Variants in DCC observed in about 807,000 individuals in gnomAD.
The protein encoded by DCC is DCC netrin 1 receptor, also known as netrin receptor DCC.
A neutral mutation model predicts 172.5 loss-of-function variants in DCC; 58 were observed. The ratio of observed to expected loss-of-function variants is 0.34; its 90% confidence interval spans 0.27 to 0.42. The LOEUF (loss-of-function observed/expected upper bound fraction) is 0.42, where lower values mean the gene tolerates loss of function less well. Among genes scored for constraint, DCC ranks in the 10% least tolerant of loss-of-function variants. The pLI is 1.00. For synonymous variants in DCC, 709 were observed against 644.5 expected, an observed-to-expected ratio of 1.10 and a Z score of -1.52; for missense variants, 1,740 against 1,791.0, an observed-to-expected ratio of 0.97 and a Z score of 0.51.
intron 1 of DCC, among the ~76,000 whole-genome samples, chr18:52,463,282 CT>C (rs1349070606): frequency 6.6e-6 from 1 of 151,996 alleles, no homozygotes; most frequent in African/African-American, 2.4e-5. Context: ...CCACAGTGGC[CT>C]TTTCCTCCTG....
At chr18:53,412,367 T>TTTTG (rs1203803973) in intron 20 of DCC, among the ~76,000 whole-genome samples, 22 of 152,272 alleles carry the variant, frequency 1.4e-4, no homozygotes, top group African/African-American at 4.6e-4. Context: ...TCACTTTTAT[T>TTTTG]AATAATTTTG....
At chr18:53,030,813 C>T (rs2042016224) in intron 5 of DCC, among the ~76,000 whole-genome samples, 1 of 152,184 alleles carries the variant, frequency 6.6e-6, no homozygotes, top group African/African-American at 2.4e-5. Flanking sequence ...TGTTGAAATG[C>T]ATTCTTAGGA....
At chr18:53,225,531 G>C (rs1161672930) in intron 12 of DCC, among the ~76,000 whole-genome samples, 1 of 152,166 alleles carries the variant, frequency 6.6e-6, no homozygotes, top group Non-Finnish European at 1.5e-5. Context: ...CAAAGGCAGA[G>C]AGAACAGGTC....
At chr18:52,832,933 A>T (rs554605740) in intron 2 of DCC, among the ~76,000 whole-genome samples, 14 of 152,272 alleles carry the variant, frequency 9.2e-5, no homozygotes. Context: ...TCCAAAATTT[A>T]AAATGTACAT....
intron 1 of DCC, among the ~76,000 whole-genome samples, chr18:52,400,798 A>G (rs545808234): frequency 1.3e-5 from 2 of 152,064 alleles, no homozygotes; most frequent in Non-Finnish European, 2.9e-5. Flanking sequence ...TTGCAGGGAC[A>G]TGGATGAAGC....
chr18:53,080,912 C>T lies in DCC; in HGVS notation c.1261+14746C>T, dbSNP rs905267488. 7.2e-5 allele frequency among the ~76,000 whole-genome samples: 11 copies of T among 152,092 alleles called. No individual in the cohort carries two copies. The East Asian group carries it at 1.6e-3, about 21-fold the overall frequency. On this transcript the variant is annotated intron_variant, in intron 7 of 28. Transcript: ENST00000442544. Reference sequence around the variant, plus strand: ...TGATAGGGTATAAGTGAGTCATTCTCCTACTGATGGGATGATTCCTCCTTG... The same window carrying T: ...TGATAGGGTATAAGTGAGTCATTCTTCTACTGATGGGATGATTCCTCCTTG...
At chr18:53,235,087 A>T (rs2056181903) in intron 12 of DCC, among the ~76,000 whole-genome samples, 1 of 152,218 alleles carries the variant, frequency 6.6e-6, no homozygotes, top group African/African-American at 2.4e-5. Flanking sequence ...ACAGCATCAA[A>T]TGTCATTATT....
intron 1 of DCC, among the ~76,000 whole-genome samples, chr18:52,424,027 G>C (rs2144443812): frequency 6.6e-6 from 1 of 152,144 alleles, no homozygotes; most frequent in East Asian, 1.9e-4. Flanking sequence ...CTCAGAGGGT[G>C]GTGCAAGTTC....
At chr18:52,971,531 A>ACG (rs1688164797) in intron 5 of DCC, among the ~76,000 whole-genome samples, 1 of 151,692 alleles carries the variant, frequency 6.6e-6, no homozygotes, top group South Asian at 2.1e-4. Context: ...ACACACACGC[A>ACG]CGCACACACA....
intron 1 of DCC, among the ~76,000 whole-genome samples, chr18:52,391,596 G>T (rs1161128064): frequency 6.6e-6 from 1 of 152,102 alleles, no homozygotes; most frequent in East Asian, 1.9e-4. Flanking sequence ...GTCAGTGAAG[G>T]TTATCATCTT....
intron 8 of DCC, among the ~76,000 whole-genome samples, chr18:53,173,412 G>A (rs2055042996): frequency 1.3e-5 from 2 of 151,862 alleles, no homozygotes; most frequent in Admixed American, 1.3e-4. Context: ...AACTATTTTT[G>A]AGTGTACAGT....
chr18:52,665,325 G>A (rs571527575), intron 1 of DCC, among the ~76,000 whole-genome samples: 12 of 152,284 alleles, frequency 7.9e-5, no homozygotes, highest in Non-Finnish European at 1.5e-4. Flanking sequence ...GCTACTATAG[G>A]AAGAGCTGTG....
At chr18:52,668,336 G>A (rs570267505) in intron 1 of DCC, among the ~76,000 whole-genome samples, 3 of 152,268 alleles carry the variant, frequency 2.0e-5, no homozygotes, top group Non-Finnish European at 2.9e-5. Context: ...AAGCTAATAA[G>A]ATTTTAGATT....
intron 5 of DCC, among the ~76,000 whole-genome samples, chr18:53,041,864 C>G (rs2042173167): frequency 6.6e-6 from 1 of 152,016 alleles, no homozygotes; most frequent in Non-Finnish European, 1.5e-5. Context: ...ATTTTGTATC[C>G]TGAGACTTTC....
rs546881160 is a variant in DCC, at chr18:52,551,547, A to C, written c.92-200507A>C. Among the ~76,000 whole-genome samples, 5 of 152,162 alleles carry C rather than the reference A, an allele frequency of 3.3e-5. No individual in the cohort carries two copies. The South Asian group carries it at 1.0e-3, about 31-fold the overall frequency. ...GATTAAAAGCATTTCCATAGATAAG[A>C]CAATGATCCAGAAGTTCAAAAGAGG... On this transcript the variant is annotated intron_variant, in intron 1 of 28. Coordinates refer to ENST00000442544, the MANE Select transcript of DCC (RefSeq NM_005215.4).
chr18:53,034,132 T>G (rs556134414), intron 5 of DCC, among the ~76,000 whole-genome samples: 3 of 152,174 alleles, frequency 2.0e-5, no homozygotes, highest in Non-Finnish European at 4.4e-5. Context: ...CTTTAAATAC[T>G]GTCTCTGTGT....
At chr18:53,112,008 G>A (rs1051494348) in intron 7 of DCC, among the ~76,000 whole-genome samples, 3 of 151,468 alleles carry the variant, frequency 2.0e-5, no homozygotes, top group African/African-American at 7.3e-5. Flanking sequence ...TGATCTGAGT[G>A]GATACTGGAG....
chr18:52,406,958 A>T (rs1159929482), intron 1 of DCC, among the ~76,000 whole-genome samples: 1 of 152,004 alleles, frequency 6.6e-6, no homozygotes, highest in African/African-American at 2.4e-5. Context: ...TCAAATGAAT[A>T]TTTTTGTTGA....
chr18:53,023,668 C>T (rs2143931366), intron 5 of DCC, among the ~76,000 whole-genome samples: 1 of 152,190 alleles, frequency 6.6e-6, no homozygotes, highest in South Asian at 2.1e-4. Context: ...AAGTGATTTT[C>T]AGCAACTTGT....
Sources: allele counts gnomAD v4.1 joint callset (sites outside exome capture counted in the v4.1 genomes callset), GRCh38; gene constraint gnomAD v4.1.1; transcripts MANE v1.5; gene names NCBI Gene and HGNC (gene_info 2026-07-23, HGNC 2026-07-21).